The following ALK variants were observed in gnomAD, a reference collection of about 807,000 sequenced individuals.
The protein encoded by ALK is ALK tyrosine kinase receptor.
Under a neutral mutation model 163.1 loss-of-function variants are expected in ALK, and 74 were observed. The observed-to-expected ratio is 0.45, with a 90% confidence interval of 0.38 to 0.55. The LOEUF is 0.55. ALK is among the 20% of genes least tolerant of loss of function. ALK has a pLI of 0.00. For synonymous variants in ALK, 960 were observed against 843.2 expected (o/e 1.14, Z -2.40); for missense variants, 2,063 against 2,105.3 (o/e 0.98, Z 0.39).
At chr2:29,909,226 G>T (rs781628031) in intron 1 of ALK, among the ~76,000 whole-genome samples, 5 of 152,208 alleles carry the variant, frequency 3.3e-5, no homozygotes, top group Non-Finnish European at 5.9e-5. Context: ...GGAATAATCA[G>T]CAACACAGGA....
At chr2:29,337,996 C>T (rs922019877) in intron 5 of ALK, among the ~76,000 whole-genome samples, 4 of 152,106 alleles carry the variant, frequency 2.6e-5, no homozygotes, top group Admixed American at 6.5e-5. Context: ...GAGGATGAAA[C>T]GAAATCATGT....
chr2:29,645,233 T>A (rs183845977), intron 3 of ALK, among the ~76,000 whole-genome samples: 1 of 152,272 alleles, frequency 6.6e-6, no homozygotes, highest in East Asian at 1.9e-4. Flanking sequence ...AAATAAACTC[T>A]GTTTAATGAG....
At chr2:29,705,282 A>ATAT (rs1558451342) in intron 2 of ALK, among the ~76,000 whole-genome samples, 2,121 of 33,882 alleles carry the variant, frequency 0.063, 401 homozygotes, top group Non-Finnish European at 0.067. Context: ...TATATATATA[A>ATAT]ATATATATCT....
chr2:29,197,635 T>C lies in ALK; in HGVS notation c.3980A>G (p.Tyr1327Cys), dbSNP rs1669057484. 1 of 1,614,024 alleles carries C rather than the reference T, an allele frequency of 6.2e-7. No individual in the cohort carries two copies. The highest frequency in any genetic ancestry group is 8.5e-7 in the Non-Finnish European group (1 of 1,180,032). The change falls in exon 27 of 29, where the codon TAT becomes TGT. Residue 1327 changes from tyrosine (Y) to cysteine (C), a missense_variant. Tyr to Cys is a radical substitution (Grantham distance 194). Transcript: ENST00000389048. ...VLLWEIFSLG[Y>C]MPYPSKSNQE... is the part of the protein sequence containing the mutation. ...GTTGCTTTTGCTGGGGTATGGCATATATCCAAGAGAAAAGATTTCCCATAG... is the reference window on the plus strand; with the variant it reads ...GTTGCTTTTGCTGGGGTATGGCATACATCCAAGAGAAAAGATTTCCCATAG...
intron 11 of ALK, among the ~76,000 whole-genome samples, chr2:29,267,315 C>T (rs1277437251): frequency 6.6e-6 from 1 of 152,200 alleles, no homozygotes; most frequent in Admixed American, 6.5e-5. Flanking sequence ...TAACTGCAAC[C>T]TTACGAGAGA....
chr2:29,389,262 T>C (rs150364927), intron 4 of ALK, among the ~76,000 whole-genome samples: 1 of 152,132 alleles, frequency 6.6e-6, no homozygotes, highest in East Asian at 1.9e-4. Context: ...GAGTGAGAGG[T>C]GTAGGCACCA....
chr2:29,820,513 T>C (rs11896858), intron 1 of ALK, among the ~76,000 whole-genome samples: 6,098 of 152,248 alleles, frequency 0.04, 343 homozygotes, highest in African/African-American at 0.13. Flanking sequence ...TATGCTGCAG[T>C]AGATAACCAA....
chr2:29,407,109 C>T (rs4436917), intron 4 of ALK, among the ~76,000 whole-genome samples: 2 of 151,902 alleles, frequency 1.3e-5, no homozygotes, highest in Admixed American at 6.6e-5. Flanking sequence ...AGTCCTGGAC[C>T]GGTAGACCTG....
chr2:29,267,538 G>T (rs1665252700), intron 11 of ALK, among the ~76,000 whole-genome samples: 1 of 152,074 alleles, frequency 6.6e-6, no homozygotes, highest in African/African-American at 2.4e-5. Context: ...GAGGGCACTG[G>T]CTGGGCTGAG....
intron 26 of ALK, among the ~76,000 whole-genome samples, chr2:29,198,456 T>C (rs544330343): frequency 1.3e-5 from 2 of 152,160 alleles, no homozygotes; most frequent in Non-Finnish European, 2.9e-5. Context: ...CATCCAACAG[T>C]CAGCAGTCCT....
At chr2:29,327,185 G>T (rs1667290362) in intron 6 of ALK, among the ~76,000 whole-genome samples, 1 of 152,210 alleles carries the variant, frequency 6.6e-6, no homozygotes, top group African/African-American at 2.4e-5. Flanking sequence ...CCAGCTGGGA[G>T]TCTACTCCGC....
intron 4 of ALK, among the ~76,000 whole-genome samples, chr2:29,392,119 G>A (rs1669190034): frequency 1.3e-5 from 2 of 152,204 alleles, no homozygotes; most frequent in South Asian, 4.1e-4. Flanking sequence ...ACTGTGTGGT[G>A]GGATTTGGGG....
At chr2:29,828,295 A>G (rs1357059525) in intron 1 of ALK, among the ~76,000 whole-genome samples, 1 of 152,222 alleles carries the variant, frequency 6.6e-6, no homozygotes, top group Non-Finnish European at 1.5e-5. Context: ...AGCAATGGCA[A>G]CAAAAGCCAA....
chr2:29,406,757 G>A (rs547430842), intron 4 of ALK, among the ~76,000 whole-genome samples: 2 of 152,102 alleles, frequency 1.3e-5, no homozygotes, highest in South Asian at 2.1e-4. Flanking sequence ...AAAATCAGCT[G>A]GGCATGGTGG....
intron 15 of ALK, 82 bp from the exon 16 acceptor site, chr2:29,229,148 A>G: frequency 7.1e-7 from 1 of 1,416,944 alleles, no homozygotes; most frequent in East Asian, 2.4e-5. Context: ...AGGATGCAGG[A>G]CGCCTTGGAG....
At chr2:29,653,652 A>G (rs1677096284) in intron 3 of ALK, among the ~76,000 whole-genome samples, 1 of 152,338 alleles carries the variant, frequency 6.6e-6, no homozygotes, top group East Asian at 1.9e-4. Flanking sequence ...AATGTCAGGC[A>G]GGAGCAAAGG....
intron 4 of ALK, among the ~76,000 whole-genome samples, chr2:29,433,419 G>A (rs1670326460): frequency 6.6e-6 from 1 of 152,176 alleles, no homozygotes. Flanking sequence ...GCCATTAGGA[G>A]GCTTGATACT....
At chr2:29,893,069 T>A (rs1411873293) in intron 1 of ALK, among the ~76,000 whole-genome samples, 2 of 152,192 alleles carry the variant, frequency 1.3e-5, no homozygotes, top group African/African-American at 4.8e-5. Context: ...TGGGGCCATC[T>A]ATTCTGGGCC....
chr2:29,496,832 A>G (rs1339232441), intron 4 of ALK, among the ~76,000 whole-genome samples: 1 of 152,158 alleles, frequency 6.6e-6, no homozygotes, highest in Non-Finnish European at 1.5e-5. Context: ...TGCCAACCAA[A>G]TGGGGCTGGC....
Sources: gnomAD v4.1 joint callset for allele counts (sites outside exome capture counted in the v4.1 genomes callset) on GRCh38, gnomAD v4.1.1 for gene constraint, MANE v1.5 for transcripts, NCBI Gene and HGNC (gene_info 2026-07-23, HGNC 2026-07-21) for gene names.